CARD9: variants seen among roughly 807,000 people sequenced by gnomAD.
The protein encoded by CARD9 is caspase recruitment domain family member 9, also known as caspase recruitment domain-containing protein 9.
Under a neutral mutation model 66.0 loss-of-function variants are expected in CARD9, and 53 were observed. The observed-to-expected ratio is 0.80, with a 90% CI of 0.64 to 1.01. The LOEUF is 1.01. CARD9 is among the 50% of genes least tolerant of loss of function. The pLI is 0.00. For synonymous variants in CARD9, 387 were observed against 313.8 expected (o/e 1.23, Z -2.47); for missense variants, 769 against 743.2 (o/e 1.03, Z -0.40).
At chr9:136,364,771 C>T in intron 11 of CARD9, 1 of 614,206 alleles carries the variant, frequency 1.6e-6, no homozygotes, top group Non-Finnish European at 2.8e-6. Context: ...TGCCAAGACA[C>T]ACCCAGGAGG....
rs112101632 is a variant in CARD9, at chr9:136,370,037, C to T, written c.952-162G>A. 8.8e-4 allele frequency: 1,266 copies of T among 1,446,812 alleles called. 9 individuals carry two copies. The African/African-American group carries it at 0.015, about 17-fold the overall frequency. The allele number at this position is 1,446,812 out of a possible 1,614,324, so 89.6% of individuals were successfully genotyped here. ...CCCCTACCAGCCCTGCACTTCCAGA[C>T]CGCGGCAGGACAGGGCCCTCCGGCA... is the stretch of plus-strand genomic sequence containing the variant. On this transcript the variant is annotated intron_variant, in intron 6 of 12. Transcript: ENST00000371732.
Position 136,364,060 on chromosome 9 carries a change from T to G in CARD9, c.*242A>C, listed in dbSNP as rs1195500194. On this transcript the variant is annotated 3_prime_UTR_variant, in exon 13 of 13. Transcript: ENST00000371732. The stretch of plus-strand genomic sequence containing the variant: ...TGGTGAAACAGAACAGATCCTGAAG[T>G]TACACAGATGGCGTGTGCATGGGGG... The G allele has an allele frequency of 3.9e-6, 6 of 1,540,948 alleles. No homozygotes were observed. The highest frequency in any genetic ancestry group is 5.3e-6 in the Non-Finnish European group (6 of 1,138,346).
At chr9:136,370,130 C>A in intron 6 of CARD9, 164 bp downstream of exon 6, 6 of 1,430,218 alleles carry the variant, frequency 4.2e-6, no homozygotes, top group Non-Finnish European at 5.6e-6. Context: ...GGGGGGCAGG[C>A]GGGCAAGGAG....
intron 9 of CARD9, 120 bp downstream of exon 9, chr9:136,367,096 C>T (rs1251302710): frequency 1.6e-6 from 2 of 1,261,856 alleles, no homozygotes; most frequent in African/African-American, 1.5e-5. Flanking sequence ...CTTCCTCCAC[C>T]CAGCCCAGCC....
At chr9:136,368,125 C>T (rs1292825906) in intron 7 of CARD9, 4 of 977,248 alleles carry the variant, frequency 4.1e-6, no homozygotes, top group Non-Finnish European at 5.5e-6. Flanking sequence ...TTGGACGCGG[C>T]TTGATATGGA....
Position 136,369,882 on chromosome 9 carries a change from G to T in CARD9, c.952-7C>A. 1 of 1,611,410 alleles carries T rather than the reference G, an allele frequency of 6.2e-7. No individual in the cohort carries two copies. On this transcript the variant is annotated splice_polypyrimidine_tract_variant and splice_region_variant and intron_variant, in intron 6 of 12. Transcript: ENST00000371732. ...TCTCCTTCTCCTCCATGCACTGCAGGGGGCGGCAGCTCAGCCCCCACAGGC... is the reference window on the plus strand; with the variant it reads ...TCTCCTTCTCCTCCATGCACTGCAGTGGGCGGCAGCTCAGCCCCCACAGGC...
At chr9:136,364,651 CTGGT>C (rs1251620262) in intron 11 of CARD9, 92 bp from the exon 12 acceptor site, 14 of 1,319,960 alleles carry the variant, frequency 1.1e-5, no homozygotes, top group African/African-American at 2.9e-5. Flanking sequence ...TAACTGCAGA[CTGGT>C]TGGGAGGCGA....
chr9:136,369,144 A>T (rs11145763), intron 7 of CARD9, among the ~76,000 whole-genome samples: 30 of 151,896 alleles, frequency 2.0e-4, no homozygotes, highest in Admixed American at 1.5e-3. Flanking sequence ...TTTGTAGAGC[A>T]GGGATCTCAC....
At chr9:136,367,462 G>A (rs2131437287) in intron 8 of CARD9, 175 bp downstream of exon 8, 1 of 953,790 alleles carries the variant, frequency 1.0e-6, no homozygotes. Context: ...CCCACTTCCT[G>A]CTGGGACCCT....
intron 11 of CARD9, 21 bp from the exon 12 acceptor site, chr9:136,364,580 GGGCTCCGGCC>G: frequency 6.5e-7 from 1 of 1,534,272 alleles, no homozygotes. Flanking sequence ...GGGAAGGCTC[GGGCTCCGGCC>G]GGCTCCCCTG....
Position 136,367,620 on chromosome 9 carries a change from G to A in CARD9, c.1269+17C>T, listed in dbSNP as rs371771167. 29 of 1,561,566 alleles carry A rather than the reference G, an allele frequency of 1.9e-5. No homozygotes were observed. In the African/African-American group the frequency reaches 2.6e-4, roughly 14 times the overall value. Reference sequence around the variant, plus strand: ...CCACGCGCCGGCTCCCCTCCCTGCCGCAGGCCCCAGGCCCACCAGGACGAG... The same window carrying A: ...CCACGCGCCGGCTCCCCTCCCTGCCACAGGCCCCAGGCCCACCAGGACGAG... On this transcript the variant is annotated intron_variant, in intron 8 of 12. Coordinates refer to ENST00000371732, the MANE Select transcript of CARD9 (RefSeq NM_052813.5).
chr9:136,370,616 A>G lies in CARD9; in HGVS notation c.713T>C (p.Met238Thr). The change falls in exon 5 of 13, where the codon ATG becomes ACG. Residue 238 changes from methionine to threonine, a missense_variant. Transcript: ENST00000371732. ...RKHTLKLRHA[M>T]EQRPSQELLW... The stretch of plus-strand genomic sequence containing the variant: ...CAGCTCCTGGCTGGGCCGCTGCTCC[A>G]TGGCGTGCCTGAGCTTCAGCGTGTG... 3.1e-6 allele frequency: 5 copies of G among 1,612,690 alleles called. No individual in the cohort carries two copies. Among genetic ancestry groups the G allele is most frequent in the Non-Finnish European group, 4.2e-6 (5 of 1,179,894 alleles).
At chr9:136,366,571 A>G (rs992693522) in intron 10 of CARD9, 4 of 594,770 alleles carry the variant, frequency 6.7e-6, no homozygotes, top group Non-Finnish European at 1.2e-5. Flanking sequence ...TCTCCACCCC[A>G]GGGGACACTT....
In CARD9 at chr9:136,367,691, C is replaced by G. The variant is rs139454076; in HGVS notation, c.1215G>C (p.Gln405His). 5.0e-6 allele frequency: 8 copies of G among 1,601,550 alleles called. No homozygotes were observed. The highest frequency in any genetic ancestry group is 5.9e-6 in the Non-Finnish European group (7 of 1,178,642). Residue 405 changes from glutamine to histidine, a missense_variant, in exon 8 of 13, where the codon CAG (glutamine) becomes CAC (histidine). Coordinates refer to ENST00000371732, the MANE Select transcript of CARD9 (RefSeq NM_052813.5). Reference sequence around the variant, plus strand: ...TGAGCCTGCCCTCCACGGCCAGTAGCTGCGCCTCACACTGGAACACCTGCA... The same window carrying G: ...TGAGCCTGCCCTCCACGGCCAGTAGGTGCGCCTCACACTGGAACACCTGCA... ...LQLQVFQCEA[Q>H]LLAVEGRLRR...
At chr9:136,373,380 A>AGGGGCCGGGAAAGGGAC (rs935346837) in intron 1 of CARD9, among the ~76,000 whole-genome samples, 152 bp downstream of exon 1, 1 of 152,198 alleles carries the variant, frequency 6.6e-6, no homozygotes, top group African/African-American at 2.4e-5. Flanking sequence ...ATCTCCGCCC[A>AGGGGCCGGGAAAGGGAC]GGGGCCGTGA....
intron 2 of CARD9, among the ~76,000 whole-genome samples, chr9:136,371,666 C>T (rs930852619): frequency 6.6e-6 from 1 of 151,234 alleles, no homozygotes; most frequent in Non-Finnish European, 1.5e-5. Context: ...TCTCAGGAGC[C>T]CCCGCTGCGG....
Position 136,364,328 on chromosome 9 carries a change from C to A in CARD9, c.1585G>T (p.Asp529Tyr), listed in dbSNP as rs1833060212. 2 of 1,564,774 alleles carry A rather than the reference C, an allele frequency of 1.3e-6. No individual in the cohort carries two copies. Among genetic ancestry groups the A allele is most frequent in the African/African-American group, 1.4e-5 (1 of 73,932 alleles). Residue 529 changes from aspartate to tyrosine, a missense_variant, in exon 13 of 13, where the codon GAC becomes TAC. Physicochemically the swap from Asp to Tyr is radical, Grantham distance 160. Coordinates refer to ENST00000371732, the MANE Select transcript of CARD9 (RefSeq NM_052813.5). ...EEDRENTTGS[D>Y]NTDTEGS Reference sequence around the variant, plus strand: ...TAGGAGCCCTCAGTGTCGGTGTTGTCGCTGCCCGTGGTGTTCTCCCGGTCC... The same window carrying A: ...TAGGAGCCCTCAGTGTCGGTGTTGTAGCTGCCCGTGGTGTTCTCCCGGTCC...
intron 4 of CARD9, 59 bp downstream of exon 4, chr9:136,370,782 C>T (rs1262452028): frequency 6.2e-7 from 1 of 1,603,946 alleles, no homozygotes; most frequent in Non-Finnish European, 8.5e-7. Flanking sequence ...CCGCCCCGGC[C>T]TGCAGACCCC....
intron 10 of CARD9, 106 bp from the exon 11 acceptor site, chr9:136,365,323 C>T (rs1428723630): frequency 1.9e-6 from 2 of 1,057,688 alleles, no homozygotes; most frequent in East Asian, 2.5e-5. Flanking sequence ...CTTCCAAGGC[C>T]TGGTGGGATC....
Sources: allele counts gnomAD v4.1 joint callset (sites outside exome capture counted in the v4.1 genomes callset), GRCh38; gene constraint gnomAD v4.1.1; transcripts MANE v1.5; gene names NCBI Gene and HGNC (gene_info 2026-07-23, HGNC 2026-07-21).